The following KIAA1328 variants were observed in gnomAD, a reference collection of about 807,000 sequenced individuals.
KIAA1328 encodes protein hinderin.
Under a neutral mutation model 68.1 loss-of-function variants are expected in KIAA1328, and 52 were observed. The observed-to-expected ratio is 0.76, with a 90% confidence interval of 0.61 to 0.96. The LOEUF (loss-of-function observed/expected upper bound fraction) is 0.96. KIAA1328 is among the 40% of genes least tolerant of loss of function. The pLI, the probability that KIAA1328 is intolerant of heterozygous loss-of-function variation, is 0.00. For missense variants in KIAA1328, 641 were observed against 677.6 expected (o/e 0.95, Z 0.60); for synonymous variants, 232 against 239.4 (o/e 0.97, Z 0.28).
chr18:37,010,532 C>CTATTAAAT (rs1340889123), intron 6 of KIAA1328, among the ~76,000 whole-genome samples: 2 of 145,418 alleles, frequency 1.4e-5, no homozygotes, highest in Non-Finnish European at 3.0e-5. Flanking sequence ...TTTTCTGTTG[C>CTATTAAAT]TATTAAATGT....
At chr18:36,843,386 T>C (rs953430600) in intron 3 of KIAA1328, among the ~76,000 whole-genome samples, 1 of 152,190 alleles carries the variant, frequency 6.6e-6, no homozygotes, top group Non-Finnish European at 1.5e-5. Flanking sequence ...AACTTAACTT[T>C]GGTGGTTGCG....
At chr18:36,945,633 A>G (rs2050871759) in intron 5 of KIAA1328, among the ~76,000 whole-genome samples, 1 of 152,226 alleles carries the variant, frequency 6.6e-6, no homozygotes, top group Admixed American at 6.5e-5. Flanking sequence ...ATATTTTCAT[A>G]CTACATTACA....
chr18:37,087,811 T>C (rs2057149818), intron 7 of KIAA1328, among the ~76,000 whole-genome samples: 1 of 150,028 alleles, frequency 6.7e-6, no homozygotes, highest in Non-Finnish European at 1.5e-5. Context: ...CCAGGGGGAG[T>C]AAAAAAAAAT....
chr18:37,071,251 T>C (rs2056522380), intron 7 of KIAA1328, among the ~76,000 whole-genome samples: 1 of 151,780 alleles, frequency 6.6e-6, no homozygotes, highest in South Asian at 2.1e-4. Context: ...TTTTGCATTG[T>C]TTGTAGAGAT....
intron 7 of KIAA1328, among the ~76,000 whole-genome samples, chr18:37,076,648 G>T (rs939783146): frequency 1.3e-4 from 19 of 151,452 alleles, no homozygotes; most frequent in African/African-American, 4.6e-4. Context: ...ATGATCAAGG[G>T]GATATCACCA....
intron 9 of KIAA1328, among the ~76,000 whole-genome samples, chr18:37,185,603 G>T (rs1007606016): frequency 2.6e-5 from 4 of 152,032 alleles, no homozygotes; most frequent in African/African-American, 9.7e-5. Flanking sequence ...TAATGGAGAA[G>T]ACATAGAATA....
chr18:37,028,041 G>T (rs910618364), intron 6 of KIAA1328, among the ~76,000 whole-genome samples: 3 of 152,132 alleles, frequency 2.0e-5, no homozygotes, highest in Non-Finnish European at 2.9e-5. Flanking sequence ...CAAAAAGTGG[G>T]TGAAGGATAT....
At chr18:36,837,357 A>T (rs1217935132) in intron 3 of KIAA1328, among the ~76,000 whole-genome samples, 1 of 152,184 alleles carries the variant, frequency 6.6e-6, no homozygotes, top group African/African-American at 2.4e-5. Flanking sequence ...GATGATGAGC[A>T]TGTTTTTATG....
intron 5 of KIAA1328, among the ~76,000 whole-genome samples, chr18:36,918,476 A>G (rs951017814): frequency 9.4e-5 from 14 of 148,670 alleles, no homozygotes; most frequent in Non-Finnish European, 1.8e-4. Flanking sequence ...GCAGTGGTGC[A>G]ATCTTGGCTC....
chr18:36,932,701 C>G (rs1236867766), intron 5 of KIAA1328, among the ~76,000 whole-genome samples: 2 of 152,198 alleles, frequency 1.3e-5, no homozygotes, highest in Non-Finnish European at 2.9e-5. Context: ...GTCTCCAAAA[C>G]TCTCAACTAT....
At chr18:37,068,790 A>T (rs1334082323) in intron 7 of KIAA1328, among the ~76,000 whole-genome samples, 1 of 150,970 alleles carries the variant, frequency 6.6e-6, no homozygotes, top group East Asian at 1.9e-4. Context: ...TTTATCTTTA[A>T]TTTTTTTTTC....
At chr18:37,146,680 G>A (rs1376441302) in intron 7 of KIAA1328, among the ~76,000 whole-genome samples, 1 of 152,032 alleles carries the variant, frequency 6.6e-6, no homozygotes, top group Admixed American at 6.6e-5. Flanking sequence ...TAGCTATGTG[G>A]CGTTGCATTT....
chr18:37,062,716 A>G (rs892787783), intron 6 of KIAA1328, among the ~76,000 whole-genome samples: 1 of 151,996 alleles, frequency 6.6e-6, no homozygotes, highest in African/African-American at 2.4e-5. Context: ...CGGCCTCCCA[A>G]AGTGCTGGGA....
chr18:37,024,945 A>C (rs1021212159), intron 6 of KIAA1328, among the ~76,000 whole-genome samples: 4 of 152,160 alleles, frequency 2.6e-5, no homozygotes, highest in African/African-American at 9.7e-5. Context: ...TCCCTGAGGA[A>C]TTGCCACACT....
At chr18:37,212,155 C>T (rs556108206) in intron 9 of KIAA1328, among the ~76,000 whole-genome samples, 1 of 152,158 alleles carries the variant, frequency 6.6e-6, no homozygotes, top group Non-Finnish European at 1.5e-5. Context: ...GTAGGTCTGT[C>T]CTGCTTATAA....
intron 7 of KIAA1328, among the ~76,000 whole-genome samples, chr18:37,110,164 G>A (rs1370326501): frequency 1.3e-5 from 2 of 151,928 alleles, no homozygotes; most frequent in African/African-American, 2.4e-5. Flanking sequence ...ACCTTTGGTA[G>A]AATCCAAAAG....
intron 7 of KIAA1328, among the ~76,000 whole-genome samples, chr18:37,117,020 G>T (rs913291665): frequency 2.0e-5 from 3 of 152,188 alleles, no homozygotes; most frequent in African/African-American, 7.2e-5. Context: ...AACAGGTGCT[G>T]GAGAGGATAT....
rs562446144 is a variant in KIAA1328 at position 37,020,629 on chromosome 18, A to G, written c.577-46261A>G. Among the ~76,000 whole-genome samples the G allele has an allele frequency of 3.9e-5, 6 of 152,318 alleles. No homozygotes were observed. In the South Asian group the frequency reaches 1.2e-3, roughly 32 times the overall value. On this transcript the variant is annotated intron_variant, in intron 6 of 9. Transcript: ENST00000280020. ...GAAATCAGCTACAGATAAATGATCA[A>G]TTTTATGTAGAATCAGTGGCAAATA...
intron 6 of KIAA1328, among the ~76,000 whole-genome samples, chr18:36,961,074 G>T (rs142641396): frequency 6.2e-4 from 95 of 152,238 alleles, no homozygotes; most frequent in Non-Finnish European, 1.1e-3. Context: ...CTTGAAAAAA[G>T]TTAGATGAAT....
Sources: gnomAD v4.1 joint callset for allele counts (sites outside exome capture counted in the v4.1 genomes callset) on GRCh38, gnomAD v4.1.1 for gene constraint, MANE v1.5 for transcripts, NCBI Gene and HGNC (gene_info 2026-07-23, HGNC 2026-07-21) for gene names.